The following PCNT variants were observed in gnomAD, a reference collection of about 807,000 sequenced individuals.
PCNT encodes pericentrin.
In PCNT, 319 loss-of-function variants were observed where a neutral mutation model predicts 380.4. The ratio of observed to expected loss-of-function variants is 0.84; its 90% CI spans 0.77 to 0.92. The LOEUF (loss-of-function observed/expected upper bound fraction) is 0.92. PCNT is among the 40% of genes least tolerant of loss of function. PCNT has a pLI of 0.00. For synonymous variants in PCNT, 1,845 were observed against 1,735.2 expected (o/e 1.06, Z -1.57); for missense variants, 4,400 against 4,255.3 (o/e 1.03, Z -0.95).
Position 46,416,742 on chromosome 21 carries a change from G to A in PCNT, c.6824G>A (p.Gly2275Glu), listed in dbSNP as rs1323480485. Residue 2275 changes from glycine to glutamate, a missense_variant, in exon 30 of 47, where the codon GGG (glycine) becomes GAG (glutamate). Transcript: ENST00000359568. ...DTSLPQTQGPGLLCSPGVSAA... is the reference protein window; with the variant it reads ...DTSLPQTQGPELLCSPGVSAA... ...TCGCTGCCACAGACCCAGGGGCCGG[G>A]GCTGCTTTGTTCCCCAGGCGTGTCT... The A allele has an allele frequency of 1.2e-5, 19 of 1,599,156 alleles. No homozygotes were observed. Among genetic ancestry groups the A allele is most frequent in the African/African-American group, 1.3e-5 (1 of 74,722 alleles).
chr21:46,332,958 A>T (rs2083604018), intron 2 of PCNT, among the ~76,000 whole-genome samples: 3 of 152,094 alleles, frequency 2.0e-5, no homozygotes, highest in African/African-American at 7.2e-5. Context: ...ACAAAAAAAT[A>T]AAAAATAAGC....
chr21:46,377,620 C>T (rs1401413583), intron 15 of PCNT, among the ~76,000 whole-genome samples: 1 of 152,106 alleles, frequency 6.6e-6, no homozygotes, highest in African/African-American at 2.4e-5. Flanking sequence ...GTCCCAGCAC[C>T]TTGGGAGGCT....
chr21:46,360,747 T>A (rs1487498101), intron 13 of PCNT, among the ~76,000 whole-genome samples: 1 of 151,490 alleles, frequency 6.6e-6, no homozygotes, highest in African/African-American at 2.4e-5. Flanking sequence ...CTCAATCTCC[T>A]GACTTCCCGA....
intron 16 of PCNT, among the ~76,000 whole-genome samples, chr21:46,385,271 G>T (rs976974627): frequency 2.0e-5 from 3 of 152,242 alleles, no homozygotes; most frequent in Non-Finnish European, 2.9e-5. Flanking sequence ...TGGGAGGATT[G>T]TTTGTGCCCT....
chr21:46,399,859 G>A (rs780690096), intron 25 of PCNT, 63 bp downstream of exon 25: 9 of 1,410,600 alleles, frequency 6.4e-6, no homozygotes, highest in South Asian at 3.5e-5. Context: ...TGGCTTCATC[G>A]CTGAGCTGGC....
chr21:46,370,009 C>T (rs902613745), intron 15 of PCNT, among the ~76,000 whole-genome samples: 1 of 152,218 alleles, frequency 6.6e-6, no homozygotes, highest in Non-Finnish European at 1.5e-5. Flanking sequence ...GCGGGAGGGG[C>T]TGTGCAGGTG....
intron 15 of PCNT, among the ~76,000 whole-genome samples, 156 bp from the exon 16 acceptor site, chr21:46,381,538 G>C (rs1174050087): frequency 6.6e-6 from 1 of 152,148 alleles, no homozygotes; most frequent in African/African-American, 2.4e-5. Flanking sequence ...TTGAACCCAT[G>C]TTTTCTTTGA....
At chr21:46,383,578 G>A (rs1320742684) in intron 16 of PCNT, among the ~76,000 whole-genome samples, 1 of 144,298 alleles carries the variant, frequency 6.9e-6, no homozygotes, top group African/African-American at 2.6e-5. Flanking sequence ...TGCATTCACA[G>A]TGCTGTGCAT....
chr21:46,367,208 T>C (rs1392993482), intron 15 of PCNT, 69 bp downstream of exon 15: 5 of 1,349,294 alleles, frequency 3.7e-6, no homozygotes, highest in Non-Finnish European at 4.2e-6. Context: ...TTCCACCGCG[T>C]GTCACATGTC....
At position 46,388,935 on chromosome 21, in the gene PCNT, G is replaced by C. The variant is rs746995096; in HGVS notation, c.3607+51G>C. The stretch of plus-strand genomic sequence containing the variant: ...AGCCCTGTGCTTGCAGCCCCTCTGT[G>C]GTCCTGGAGCTCTCTGAGAGGAGCC... On this transcript the variant is annotated intron_variant, in intron 18 of 46. Coordinates refer to ENST00000359568, the MANE Select transcript of PCNT (RefSeq NM_006031.6). The surrounding 1 kb of genome is among the most constrained non-coding windows in gnomAD (Gnocchi z 4.2). 2 of 1,548,872 alleles carry C rather than the reference G, an allele frequency of 1.3e-6. No homozygotes were observed. Among genetic ancestry groups the C allele is most frequent in the Admixed American group, 1.9e-5 (1 of 51,876 alleles).
intron 29 of PCNT, among the ~76,000 whole-genome samples, chr21:46,414,982 G>A (rs2086965988): frequency 6.6e-6 from 1 of 152,238 alleles, no homozygotes; most frequent in Non-Finnish European, 1.5e-5. Context: ...AACACCAGAA[G>A]TGCTGGGCAG....
At chr21:46,372,650 C>T (rs1413804310) in intron 15 of PCNT, among the ~76,000 whole-genome samples, 1 of 152,224 alleles carries the variant, frequency 6.6e-6, no homozygotes, top group Admixed American at 6.5e-5. Context: ...GATCTCATTT[C>T]TAGCCATAAA....
At chr21:46,443,472 CCT>C (rs2053664917) in intron 44 of PCNT, among the ~76,000 whole-genome samples, 1 of 152,274 alleles carries the variant, frequency 6.6e-6, no homozygotes, top group South Asian at 2.1e-4. Context: ...AAAGTTTGCC[CCT>C]CTGAGTCACA....
chr21:46,381,667 A>G, intron 15 of PCNT, 27 bp from the exon 16 acceptor site: 20 of 1,606,220 alleles, frequency 1.2e-5, no homozygotes, highest in Non-Finnish European at 1.1e-5. Context: ...GCTTACTGGT[A>G]TTTTTTATTG....
In PCNT at chr21:46,435,980, C is replaced by A; in HGVS notation, c.8828C>A (p.Ser2943Ter). 6.2e-7 allele frequency: 1 copy of A among 1,614,188 alleles called. No homozygotes were observed. The highest frequency in any genetic ancestry group is 2.2e-5 in the East Asian group (1 of 44,860). ...CAGCAGACAGTGAGAGACCTGGAGTCGAAGGACGAGGTGCCTGGCAGCCGC... is the reference window on the plus strand; with the variant it reads ...CAGCAGACAGTGAGAGACCTGGAGTAGAAGGACGAGGTGCCTGGCAGCCGC... ...QLQQTVRDLE[S>*]KDEVPGSRLH... The change falls in exon 39 of 47, where the codon TCG becomes TAG. Residue 2943 changes from serine to a stop codon, truncating the protein, a stop_gained. Transcript: ENST00000359568. LOFTEE classifies it high-confidence loss of function.
At chr21:46,397,613 C>G (rs1026197782) in intron 22 of PCNT, 119 bp downstream of exon 22, 24 of 839,604 alleles carry the variant, frequency 2.9e-5, no homozygotes, top group Non-Finnish European at 4.3e-5. Context: ...GCGCCCCACA[C>G]CTGCTGCACA....
At chr21:46,327,092 G>C (rs1281742147) in intron 2 of PCNT, among the ~76,000 whole-genome samples, 3 of 150,544 alleles carry the variant, frequency 2.0e-5, no homozygotes, top group African/African-American at 7.3e-5. Flanking sequence ...ATGGATTCTC[G>C]CTCTGTCTCC....
intron 15 of PCNT, among the ~76,000 whole-genome samples, chr21:46,373,587 A>G (rs1455641555): frequency 5.4e-5 from 8 of 149,278 alleles, no homozygotes; most frequent in Non-Finnish European, 8.9e-5. Flanking sequence ...ATGCGCCACC[A>G]TGCCTAATAT....
rs367550365 is a variant in PCNT, at chr21:46,425,780, G to A, written c.7180-51G>A. The A allele has an allele frequency of 4.8e-4, 780 of 1,610,656 alleles. 4 individuals carry two copies. In the African/African-American group the frequency reaches 9.2e-3, roughly 19 times the overall value. ...CGGGGCCGCAGGTGGTGTAGAGCGT[G>A]GCTGTGTGGGGTGGCAGGCAACTCC... On this transcript the variant is annotated intron_variant, in intron 32 of 46. Coordinates refer to ENST00000359568, the MANE Select transcript of PCNT (RefSeq NM_006031.6). This position sits in a 1 kb window ranked among gnomAD's most constrained non-coding sequence, Gnocchi z 4.2.
Sources: allele counts gnomAD v4.1 joint callset (sites outside exome capture counted in the v4.1 genomes callset), GRCh38; gene constraint gnomAD v4.1.1; non-coding constraint Gnocchi (gnomAD v3.1); transcripts MANE v1.5; gene names NCBI Gene and HGNC (gene_info 2026-07-23, HGNC 2026-07-21).